The following EIF4G3 variants were observed in gnomAD, a reference collection of about 807,000 sequenced individuals.
EIF4G3 encodes the protein eIF-4-gamma 3.
A neutral mutation model predicts 186.4 loss-of-function variants in EIF4G3; 34 were observed. That is an observed-to-expected ratio of 0.18 (90% CI 0.14 to 0.24). EIF4G3 has a LOEUF of 0.24. EIF4G3 is among the 10% of genes least tolerant of loss of function. The probability of loss-of-function intolerance (pLI) is 1.00; values close to 1 mark genes in which losing one functional copy is unlikely to be tolerated. For synonymous variants in EIF4G3, 673 were observed against 679.5 expected (o/e 0.99, Z 0.15); for missense variants, 1,536 against 1,948.5 (o/e 0.79, Z 3.99).
chr1:20,829,611 G>A (rs141674490), intron 30 of EIF4G3, among the ~76,000 whole-genome samples: 2 of 152,256 alleles, frequency 1.3e-5, no homozygotes, highest in Non-Finnish European at 2.9e-5. Context: ...TGAAGTTCTA[G>A]GGGAAAAATT....
intron 2 of EIF4G3, among the ~76,000 whole-genome samples, chr1:21,136,987 T>G (rs1257290953): frequency 6.6e-6 from 1 of 152,148 alleles, no homozygotes; most frequent in African/African-American, 2.4e-5. Flanking sequence ...CTAATAATTT[T>G]TATATGATGT....
At chr1:21,079,874 G>C (rs538177727) in intron 3 of EIF4G3, among the ~76,000 whole-genome samples, 1 of 150,126 alleles carries the variant, frequency 6.7e-6, no homozygotes, top group African/African-American at 2.5e-5. Flanking sequence ...GGCATGGCCC[G>C]GGTGCGGTGG....
chr1:21,062,424 C>T, intron 3 of EIF4G3, among the ~76,000 whole-genome samples: 1 of 151,992 alleles, frequency 6.6e-6, no homozygotes, highest in East Asian at 1.9e-4. Context: ...ATATCCTAAA[C>T]TAAAATTAAA....
chr1:21,056,277 TAGA>T (rs1052275076), intron 3 of EIF4G3, among the ~76,000 whole-genome samples: 22 of 152,192 alleles, frequency 1.4e-4, no homozygotes, highest in East Asian at 3.8e-4. Flanking sequence ...ATCAAAATAA[TAGA>T]AGAACTAGAA....
intron 8 of EIF4G3, among the ~76,000 whole-genome samples, chr1:20,981,983 T>C (rs1262434987): frequency 1.3e-5 from 2 of 152,162 alleles, no homozygotes; most frequent in Non-Finnish European, 2.9e-5. Context: ...ATAAAATACT[T>C]AGAAGAACAA....
intron 2 of EIF4G3, among the ~76,000 whole-genome samples, chr1:21,138,262 G>A (rs1031385955): frequency 1.3e-5 from 2 of 152,136 alleles, no homozygotes; most frequent in Non-Finnish European, 2.9e-5. Flanking sequence ...ATCAGTCCCC[G>A]AAGCTAAAAG....
At chr1:21,010,440 A>G (rs1401233455) in intron 4 of EIF4G3, among the ~76,000 whole-genome samples, 2 of 144,230 alleles carry the variant, frequency 1.4e-5, no homozygotes, top group East Asian at 1.9e-4. Flanking sequence ...AAAAAAAAGA[A>G]AAAGAAAAAG....
chr1:21,110,084 G>A (rs745472052), intron 2 of EIF4G3, among the ~76,000 whole-genome samples: 2 of 151,934 alleles, frequency 1.3e-5, no homozygotes, highest in Admixed American at 6.6e-5. Flanking sequence ...CGCCACACCC[G>A]GCCAACAAAT....
intron 14 of EIF4G3, among the ~76,000 whole-genome samples, chr1:20,931,238 C>G (rs368076450): frequency 6.6e-6 from 1 of 152,144 alleles, no homozygotes; most frequent in African/African-American, 2.4e-5. Flanking sequence ...CTATCTATGG[C>G]AGCTATAGAC....
chr1:20,851,543 A>G, intron 27 of EIF4G3, 65 bp from the exon 28 acceptor site: 5 of 1,459,606 alleles, frequency 3.4e-6, no homozygotes, highest in Non-Finnish European at 4.7e-6. Flanking sequence ...TATTCAAATT[A>G]TAAAATAACA....
At chr1:20,969,870 T>C (rs6692081) in intron 11 of EIF4G3, among the ~76,000 whole-genome samples, 56,132 of 152,064 alleles carry the variant, frequency 0.37, 11,012 homozygotes, top group Non-Finnish European at 0.43. Context: ...ACTTGTTTTG[T>C]AAGAACCTGT....
At chr1:20,808,186 A>C (rs888703703) in intron 36 of EIF4G3, among the ~76,000 whole-genome samples, 1 of 151,770 alleles carries the variant, frequency 6.6e-6, no homozygotes, top group African/African-American at 2.4e-5. Flanking sequence ...GCCCGGCCCA[A>C]TCTGAACTAT....
intron 23 of EIF4G3, among the ~76,000 whole-genome samples, 174 bp from the exon 24 acceptor site, chr1:20,860,691 G>A (rs981841245): frequency 6.6e-6 from 1 of 152,096 alleles, no homozygotes; most frequent in Non-Finnish European, 1.5e-5. Context: ...TAGAGCTGAA[G>A]GATTAAAATC....
intron 2 of EIF4G3, among the ~76,000 whole-genome samples, chr1:21,118,657 G>A (rs1334520433): frequency 6.6e-6 from 1 of 151,812 alleles, no homozygotes; most frequent in Admixed American, 6.6e-5. Context: ...ATGGTGGCGG[G>A]TGCCTGTAAT....
chr1:20,972,666 G>T (rs1264568628), intron 11 of EIF4G3, among the ~76,000 whole-genome samples: 2 of 152,044 alleles, frequency 1.3e-5, no homozygotes, highest in African/African-American at 4.8e-5. Context: ...GGTGTTAAAG[G>T]AGAGTCTAGA....
intron 14 of EIF4G3, among the ~76,000 whole-genome samples, chr1:20,917,166 T>C (rs978994589): frequency 6.6e-6 from 1 of 152,196 alleles, no homozygotes; most frequent in Admixed American, 6.5e-5. Flanking sequence ...ATGAGCTCTT[T>C]ACATACTCAA....
intron 4 of EIF4G3, among the ~76,000 whole-genome samples, chr1:21,040,149 T>C (rs977849530): frequency 6.6e-6 from 1 of 152,186 alleles, no homozygotes; most frequent in Admixed American, 6.5e-5. Flanking sequence ...GATTAGAGGG[T>C]TGGGACTTTC....
At chr1:21,054,626 T>C (rs1268208773) in intron 3 of EIF4G3, among the ~76,000 whole-genome samples, 1 of 152,170 alleles carries the variant, frequency 6.6e-6, no homozygotes, top group Non-Finnish European at 1.5e-5. Context: ...ATATTCTCTA[T>C]TTTCAGTTCA....
intron 30 of EIF4G3, among the ~76,000 whole-genome samples, chr1:20,830,470 C>G (rs1024772827): frequency 6.6e-6 from 1 of 152,184 alleles, no homozygotes; most frequent in Non-Finnish European, 1.5e-5. Flanking sequence ...CAGGTTCTCT[C>G]ATTATGTGCA....
Sources: gnomAD v4.1 joint callset for allele counts (sites outside exome capture counted in the v4.1 genomes callset) on GRCh38, gnomAD v4.1.1 for gene constraint, MANE v1.5 for transcripts, NCBI Gene and HGNC (gene_info 2026-07-23, HGNC 2026-07-21) for gene names.